The following AOPEP variants were observed in gnomAD, a reference collection of about 807,000 sequenced individuals.
The protein encoded by AOPEP is aminopeptidase O (putative), also known as aminopeptidase O.
Under a neutral mutation model 98.1 loss-of-function variants are expected in AOPEP, and 77 were observed. The ratio of observed to expected loss-of-function variants is 0.78; its 90% CI spans 0.65 to 0.95. The LOEUF (loss-of-function observed/expected upper bound fraction) is 0.95, where lower values mean the gene tolerates loss of function less well. Ranked by LOEUF, AOPEP falls within the 40% of genes least tolerant of loss-of-function variation. The probability of loss-of-function intolerance (pLI) is 0.00; values close to 1 mark genes in which losing one functional copy is unlikely to be tolerated. For missense variants in AOPEP, 1,024 were observed against 1,024.7 expected (o/e 1.00, Z 0.01); for synonymous variants, 346 against 365.3 (o/e 0.95, Z 0.60).
chr9:94,792,649 A>G lies in AOPEP; in HGVS notation c.965-116A>G, dbSNP rs553448965. 7.2e-4 allele frequency: 706 copies of G among 979,232 alleles called. 1 individual carries two copies. Among genetic ancestry groups the G allele is most frequent in the Non-Finnish European group, 9.6e-4 (660 of 684,290 alleles). The allele number at this position is 979,232 out of a possible 1,614,324, so 60.7% of individuals were successfully genotyped here. On this transcript the variant is annotated intron_variant, in intron 3 of 16. Coordinates refer to ENST00000375315, the MANE Select transcript of AOPEP (RefSeq NM_001193329.3). ...TCTGCTGACGTGACCGACCTCCAAG[A>G]GTTGGCTCTTACCAGCTTATCACAA...
intron 3 of AOPEP, among the ~76,000 whole-genome samples, chr9:94,790,525 G>C (rs1032097937): frequency 1.1e-4 from 17 of 152,032 alleles, no homozygotes; most frequent in African/African-American, 4.1e-4. Flanking sequence ...CCAGAAGCAG[G>C]GTGCAGCTTC....
intron 14 of AOPEP, among the ~76,000 whole-genome samples, chr9:95,077,857 A>G (rs1031459027): frequency 2.6e-5 from 4 of 152,200 alleles, no homozygotes; most frequent in African/African-American, 9.7e-5. Flanking sequence ...GGGGATAAAA[A>G]TAAGGATTTT....
chr9:94,853,033 A>G (rs754107461), intron 5 of AOPEP, among the ~76,000 whole-genome samples: 17 of 152,254 alleles, frequency 1.1e-4, no homozygotes, highest in Admixed American at 3.9e-4. Context: ...TATTAGAACT[A>G]TAGTGACTAG....
chr9:94,994,270 A>G (rs2061081833), intron 11 of AOPEP, among the ~76,000 whole-genome samples: 1 of 152,184 alleles, frequency 6.6e-6, no homozygotes, highest in East Asian at 1.9e-4. Context: ...GGGTAAATCT[A>G]AGAATATGTA....
intron 14 of AOPEP, among the ~76,000 whole-genome samples, chr9:95,073,743 C>T (rs1295842642): frequency 6.6e-6 from 1 of 152,104 alleles, no homozygotes; most frequent in Non-Finnish European, 1.5e-5. Flanking sequence ...TCTGTGTTGC[C>T]AGCTACTTGG....
chr9:94,912,789 G>A (rs1430405415), intron 5 of AOPEP, among the ~76,000 whole-genome samples: 1 of 152,190 alleles, frequency 6.6e-6, no homozygotes, highest in East Asian at 1.9e-4. Context: ...AGGTGTAGTG[G>A]TCAACCCGTG....
At chr9:94,756,481 T>A (rs1409942019) in intron 1 of AOPEP, among the ~76,000 whole-genome samples, 1 of 152,160 alleles carries the variant, frequency 6.6e-6, no homozygotes. Flanking sequence ...GGAGGATCGC[T>A]TGAGCCCGCA....
intron 1 of AOPEP, among the ~76,000 whole-genome samples, chr9:94,734,209 G>A (rs115419430): frequency 2.4e-4 from 37 of 152,274 alleles, no homozygotes; most frequent in African/African-American, 7.9e-4. Context: ...ATCCTAGGGT[G>A]GGGGAGCTTG....
At chr9:94,855,959 G>C (rs1490366040) in intron 5 of AOPEP, among the ~76,000 whole-genome samples, 5 of 152,164 alleles carry the variant, frequency 3.3e-5, no homozygotes, top group Admixed American at 2.6e-4. Context: ...GGAAACATTA[G>C]AATAAGAACC....
At chr9:94,872,116 C>T (rs559188120) in intron 5 of AOPEP, among the ~76,000 whole-genome samples, 4 of 152,228 alleles carry the variant, frequency 2.6e-5, no homozygotes, top group African/African-American at 7.2e-5. Context: ...CTAGAATTTC[C>T]GTGTCACTTT....
At chr9:94,770,623 A>G (rs74572120) in intron 2 of AOPEP, among the ~76,000 whole-genome samples, 1,727 of 152,314 alleles carry the variant, frequency 0.011, 38 homozygotes, top group African/African-American at 0.04. Flanking sequence ...CATGACACTC[A>G]TGGCCCAGAG....
chr9:94,903,622 C>CT (rs1268586576), intron 5 of AOPEP, among the ~76,000 whole-genome samples: 13 of 29,764 alleles, frequency 4.4e-4, no homozygotes, highest in Admixed American at 2.5e-3. Flanking sequence ...GACTCCATCT[C>CT]TAAAAAAAAA....
At chr9:94,778,158 A>G (rs1842559464) in intron 3 of AOPEP, among the ~76,000 whole-genome samples, 1 of 152,230 alleles carries the variant, frequency 6.6e-6, no homozygotes, top group Non-Finnish European at 1.5e-5. Context: ...AGTGTTTCCA[A>G]GGATAAGCCA....
chr9:94,820,710 A>C (rs1852878536), intron 5 of AOPEP, among the ~76,000 whole-genome samples: 1 of 152,220 alleles, frequency 6.6e-6, no homozygotes, highest in Admixed American at 6.5e-5. Context: ...CATCTTATTT[A>C]TCCTTCACTA....
chr9:94,941,933 A>G (rs1013222778), intron 7 of AOPEP, among the ~76,000 whole-genome samples: 1 of 152,224 alleles, frequency 6.6e-6, no homozygotes, highest in African/African-American at 2.4e-5. Flanking sequence ...AGCAGTTTAG[A>G]AAAGTATAAA....
Position 95,086,980 on chromosome 9 carries a change from A to G in AOPEP, c.*303A>G. The G allele has an allele frequency of 1.0e-6, 1 of 984,200 alleles. No individual in the cohort carries two copies. The highest frequency in any genetic ancestry group is 3.1e-4 in the Middle Eastern group (1 of 3,276). 61.0% of individuals were successfully genotyped at this position (984,200 alleles called of 1,614,324 possible). Reference sequence around the variant, plus strand: ...AGATGATTAAATATATCCAAGAGACATTGGAAAACCTGCTGAACATTTTAC... The same window carrying G: ...AGATGATTAAATATATCCAAGAGACGTTGGAAAACCTGCTGAACATTTTAC... On this transcript the variant is annotated 3_prime_UTR_variant, in exon 17 of 17. Coordinates refer to ENST00000375315, the MANE Select transcript of AOPEP (RefSeq NM_001193329.3).
chr9:94,845,964 G>A (rs1257595820), intron 5 of AOPEP, among the ~76,000 whole-genome samples: 4 of 151,998 alleles, frequency 2.6e-5, no homozygotes, highest in East Asian at 1.9e-4. Context: ...GCGTGGTGTC[G>A]GGTGCCTGTA....
At chr9:95,086,403 A>C in intron 16 of AOPEP, 1 of 985,382 alleles carries the variant, frequency 1.0e-6, no homozygotes, top group African/African-American at 1.7e-5. Flanking sequence ...TTCTGAGAAC[A>C]GTTAGAGTGG....
At chr9:95,046,206 A>C (rs2065852786) in intron 13 of AOPEP, among the ~76,000 whole-genome samples, 1 of 152,222 alleles carries the variant, frequency 6.6e-6, no homozygotes. Context: ...CTGAAATGGA[A>C]ATACTCTCAA....
Sources: allele counts gnomAD v4.1 joint callset (sites outside exome capture counted in the v4.1 genomes callset), GRCh38; gene constraint gnomAD v4.1.1; transcripts MANE v1.5; gene names NCBI Gene and HGNC (gene_info 2026-07-23, HGNC 2026-07-21).